Variants in ITGA7 observed in about 807,000 individuals in gnomAD.
ITGA7 encodes integrin alpha-7.
Under a neutral mutation model 131.6 loss-of-function variants are expected in ITGA7, and 84 were observed. The ratio of observed to expected loss-of-function variants is 0.64; its 90% CI spans 0.54 to 0.77. The LOEUF (loss-of-function observed/expected upper bound fraction) is 0.77. ITGA7 is among the 30% of genes least tolerant of loss of function. ITGA7 has a pLI of 0.00. For synonymous variants in ITGA7, 548 were observed against 600.7 expected (o/e 0.91, Z 1.28); for missense variants, 1,399 against 1,482.9 (o/e 0.94, Z 0.93).
intron 24 of ITGA7, chr12:55,686,275 G>A (rs970023766): frequency 2.2e-6 from 3 of 1,346,980 alleles, no homozygotes; most frequent in South Asian, 2.3e-5. Context: ...TAGTTGGTGG[G>A]AAAAGATGAG....
chr12:55,711,659 C>T (rs983642209), upstream of ITGA7, among the ~76,000 whole-genome samples: 1 of 151,886 alleles, frequency 6.6e-6, no homozygotes, highest in African/African-American at 2.4e-5. Context: ...AGAAATGTGG[C>T]TAGTATGACT....
Position 55,698,585 on chromosome 12 carries a change from A to G in ITGA7, c.999-9T>C, listed in dbSNP as rs1873188825. The G allele has an allele frequency of 1.9e-6, 3 of 1,614,054 alleles. No individual in the cohort carries two copies. Among genetic ancestry groups the G allele is most frequent in the Non-Finnish European group, 2.5e-6 (3 of 1,179,968 alleles). Reference sequence around the variant, plus strand: ...CTATCAGGTCTGGCCAGCTATGGAGAGAGGGAAACATTCAGTGTGGGTCCT... The same window carrying G: ...CTATCAGGTCTGGCCAGCTATGGAGGGAGGGAAACATTCAGTGTGGGTCCT... On this transcript the variant is annotated splice_polypyrimidine_tract_variant and intron_variant, in intron 6 of 24. Coordinates refer to ENST00000257879, the MANE Select transcript of ITGA7 (RefSeq NM_002206.3).
At position 55,700,959 on chromosome 12, in the gene ITGA7, C is replaced by T. The variant is rs76770808; in HGVS notation, c.610G>A (p.Ala204Thr). ...FGFCQQGTAA[A>T]FSPDSHYLLF... Reference sequence around the variant, plus strand: ...AGGTAGTGGCTATCAGGGGAGAAGGCGGCAGCTGTGCCCTGCTGGCAGAAC... The same window carrying T: ...AGGTAGTGGCTATCAGGGGAGAAGGTGGCAGCTGTGCCCTGCTGGCAGAAC... Residue 204 changes from alanine to threonine, a missense_variant, in exon 4 of 25, where the codon GCC becomes ACC. Ala to Thr is a moderately conservative substitution (Grantham distance 58). Transcript: ENST00000257879. 3.8e-4 allele frequency: 617 copies of T among 1,614,190 alleles called. 1 individual carries two copies. The African/African-American group carries it at 4.9e-3, about 13-fold the overall frequency.
intron 5 of ITGA7, 186 bp downstream of exon 5, chr12:55,699,684 G>C (rs935503516): frequency 2.0e-4 from 147 of 733,114 alleles, no homozygotes; most frequent in Non-Finnish European, 3.0e-4. Flanking sequence ...CACCACCCTG[G>C]GGGCCTCCTC....
intron 4 of ITGA7, chr12:55,700,632 G>A: frequency 1.6e-6 from 1 of 636,392 alleles, no homozygotes; most frequent in South Asian, 1.9e-5. Context: ...GTGGGCTAGT[G>A]TGTTGGAGCA....
chr12:55,698,280 T>C, intron 7 of ITGA7, 103 bp downstream of exon 7: 1 of 1,106,338 alleles, frequency 9.0e-7, no homozygotes, highest in Non-Finnish European at 1.3e-6. Context: ...TCAGGGACCC[T>C]CTCTCCCTGA....
Position 55,693,213 on chromosome 12 carries a change from C to T in ITGA7, c.2640G>A (p.Gln880=), listed in dbSNP as rs1271520881. ...ANGKWLLYPM[Q]VELEGGQGPG... ...GCCCCTGCCCGCCCTCCAGCTCAAC[C>T]TGCATTGGGTACAGCAACCACTTCC... Residue 880 remains glutamine (Q), a synonymous_variant, in exon 20 of 25, where the codon CAG becomes CAA. Coordinates refer to ENST00000257879, the MANE Select transcript of ITGA7 (RefSeq NM_002206.3). 1 of 1,614,140 alleles carries T rather than the reference C, an allele frequency of 6.2e-7. No homozygotes were observed. The highest frequency in any genetic ancestry group is 1.1e-5 in the South Asian group (1 of 91,076).
intron 4 of ITGA7, chr12:55,700,516 G>T: frequency 8.2e-7 from 1 of 1,221,372 alleles, no homozygotes; most frequent in Non-Finnish European, 1.1e-6. Context: ...TCCCCACCCT[G>T]TCCCCAACCC....
At chr12:55,686,375 C>G in intron 24 of ITGA7, 2 of 1,048,766 alleles carry the variant, frequency 1.9e-6, no homozygotes, top group Non-Finnish European at 2.6e-6. Context: ...TGAGGAAGGA[C>G]AGGATCCCCT....
chr12:55,714,899 C>G (rs1244343817), upstream of ITGA7, among the ~76,000 whole-genome samples: 1 of 131,788 alleles, frequency 7.6e-6, no homozygotes, highest in African/African-American at 2.8e-5. Context: ...CCCACTCTGT[C>G]GCCCAGGCTG....
chr12:55,713,564 G>A (rs377346021), upstream of ITGA7, among the ~76,000 whole-genome samples: 14 of 152,284 alleles, frequency 9.2e-5, no homozygotes, highest in East Asian at 1.2e-3. Context: ...TGGGATACTC[G>A]TAATAATATT....
chr12:55,705,682 C>T (rs1218340427), intron 1 of ITGA7, among the ~76,000 whole-genome samples: 1 of 152,274 alleles, frequency 6.6e-6, no homozygotes, highest in East Asian at 1.9e-4. Flanking sequence ...CTTCACAGCA[C>T]TCACTGCGGG....
At chr12:55,692,196 CGAGGTTAGGA>C (rs1355478742) in intron 21 of ITGA7, among the ~76,000 whole-genome samples, 2 of 152,150 alleles carry the variant, frequency 1.3e-5, no homozygotes, top group African/African-American at 4.8e-5. Context: ...ACAGATCGCT[CGAGGTTAGGA>C]GTTCGAGACC....
upstream of ITGA7, among the ~76,000 whole-genome samples, chr12:55,709,152 C>T (rs1875793958): frequency 6.6e-6 from 1 of 152,136 alleles, no homozygotes; most frequent in African/African-American, 2.4e-5. Context: ...ATTTTGTCAT[C>T]ATTCTTGTCT....
rs754991167 is a variant in ITGA7, at chr12:55,694,151, GAGA to G, written c.2433-31_2433-29del. 2 of 1,611,722 alleles carry G rather than the reference GAGA, an allele frequency of 1.2e-6. No homozygotes were observed. The highest frequency in any genetic ancestry group is 8.5e-7 in the Non-Finnish European group (1 of 1,177,722). ...GGCGTGGAGAGGTCAGAACAGGGGT[GAGA>G]AGGTCTGGGGCCTGGCTCAATGAAG... is the stretch of plus-strand genomic sequence containing the variant. On this transcript the variant is annotated intron_variant, in intron 18 of 24. Coordinates refer to ENST00000257879, the MANE Select transcript of ITGA7 (RefSeq NM_002206.3). This position sits in a 1 kb window ranked among gnomAD's most constrained non-coding sequence, Gnocchi z 5.3.
chr12:55,708,243 G>C (rs1565646082), upstream of ITGA7, among the ~76,000 whole-genome samples: 1 of 152,216 alleles, frequency 6.6e-6, no homozygotes, highest in Non-Finnish European at 1.5e-5. Flanking sequence ...ATGAGAAGTT[G>C]GGAAGACGCT....
rs142664438 is a variant in ITGA7 at position 55,705,869 on chromosome 12, A to G, written c.206+1608T>C. Among the ~76,000 whole-genome samples the G allele has an allele frequency of 3.3e-5, 5 of 152,376 alleles. No individual in the cohort carries two copies. The East Asian group carries it at 9.6e-4, about 29-fold the overall frequency. On this transcript the variant is annotated intron_variant, in intron 1 of 24. Coordinates refer to ENST00000257879, the MANE Select transcript of ITGA7 (RefSeq NM_002206.3). Reference sequence around the variant, plus strand: ...TCCCAGAGCTAGACTAAAAGACATCAAAACAGGCAAGAAGTTTTTTTCATC... The same window carrying G: ...TCCCAGAGCTAGACTAAAAGACATCGAAACAGGCAAGAAGTTTTTTTCATC...
upstream of ITGA7, chr12:55,712,241 C>A: frequency 6.4e-7 from 1 of 1,551,512 alleles, no homozygotes; most frequent in Non-Finnish European, 8.7e-7. Flanking sequence ...TTGAGAAGGA[C>A]TGGGAGGTCA....
Position 55,693,150 on chromosome 12 carries a change from G to C in ITGA7, c.2703C>G (p.Ile901Met). 6.2e-7 allele frequency: 1 copy of C among 1,613,980 alleles called. No homozygotes were observed. The highest frequency in any genetic ancestry group is 8.5e-7 in the Non-Finnish European group (1 of 1,179,940). The change falls in exon 20 of 25, where the codon ATC becomes ATG. Residue 901 changes from isoleucine to methionine, a missense_variant. Coordinates refer to ENST00000257879, the MANE Select transcript of ITGA7 (RefSeq NM_002206.3). Reference sequence around the variant, plus strand: ...CCCACCTAAGCCTCACCAGGTGGAGGATGTTGGGCCTGGGAGAGCAAAGCC... The same window carrying C: ...CCCACCTAAGCCTCACCAGGTGGAGCATGTTGGGCCTGGGAGAGCAAAGCC... ...QKGLCSPRPN[I>M]LHLDVDSRDR...
Sources: allele counts gnomAD v4.1 joint callset (sites outside exome capture counted in the v4.1 genomes callset), GRCh38; gene constraint gnomAD v4.1.1; non-coding constraint Gnocchi (gnomAD v3.1); transcripts MANE v1.5; gene names NCBI Gene and HGNC (gene_info 2026-07-23, HGNC 2026-07-21).